The following FSHR variants were observed in gnomAD, a reference collection of about 807,000 sequenced individuals.
FSHR encodes follicle stimulating hormone receptor, also known as follicle-stimulating hormone receptor.
Under a neutral mutation model 52.1 loss-of-function variants are expected in FSHR, and 46 were observed. The ratio of observed to expected loss-of-function variants is 0.88; its 90% CI spans 0.70 to 1.13. The LOEUF (loss-of-function observed/expected upper bound fraction) is 1.13, where lower values mean the gene tolerates loss of function less well. Among genes scored for constraint, FSHR ranks in the 50% most tolerant of loss-of-function variants. The pLI is 0.00. For synonymous variants in FSHR, 399 were observed against 309.6 expected (o/e 1.29, Z -3.03); for missense variants, 964 against 834.6 (o/e 1.16, Z -1.91).
At position 49,128,054 on chromosome 2, in the gene FSHR, C is replaced by T. The variant is rs896775437; in HGVS notation, c.152+26212G>A. Reference sequence around the variant, plus strand: ...ATTACATGATACCTGGCTAATTTTTCTATTTTTAGTAGAGATGGGGTTTCA... The same window carrying T: ...ATTACATGATACCTGGCTAATTTTTTTATTTTTAGTAGAGATGGGGTTTCA... On this transcript the variant is annotated intron_variant, in intron 1 of 9. Coordinates refer to ENST00000406846, the MANE Select transcript of FSHR (RefSeq NM_000145.4). Among the ~76,000 whole-genome samples the T allele has an allele frequency of 7.9e-5, 12 of 151,310 alleles. No homozygotes were observed. In the East Asian group the frequency reaches 2.3e-3, roughly 29 times the overall value.
At chr2:49,003,744 C>T (rs1163282434) in intron 4 of FSHR, among the ~76,000 whole-genome samples, 1 of 152,084 alleles carries the variant, frequency 6.6e-6, no homozygotes, top group African/African-American at 2.4e-5. Context: ...CCTCCCTGCA[C>T]TGGGGATATA....
intron 2 of FSHR, among the ~76,000 whole-genome samples, chr2:49,034,906 T>C (rs72827279): frequency 0.048 from 7,366 of 152,162 alleles, 597 homozygotes; most frequent in East Asian, 0.23. Context: ...ACACAGAAGA[T>C]GGTATTTGAA....
intron 2 of FSHR, among the ~76,000 whole-genome samples, chr2:49,030,250 C>T (rs1450751181): frequency 6.7e-6 from 1 of 148,856 alleles, no homozygotes; most frequent in Non-Finnish European, 1.5e-5. Context: ...TGTCTTGAGG[C>T]TCTTTGCTAA....
At chr2:48,966,666 A>G (rs979475497) in intron 9 of FSHR, among the ~76,000 whole-genome samples, 2 of 152,232 alleles carry the variant, frequency 1.3e-5, no homozygotes, top group African/African-American at 4.8e-5. Flanking sequence ...AAATGTCACT[A>G]TTGAAGGAAT....
intron 1 of FSHR, among the ~76,000 whole-genome samples, chr2:49,145,290 T>C (rs1247232458): frequency 6.6e-6 from 1 of 152,130 alleles, no homozygotes; most frequent in African/African-American, 2.4e-5. Context: ...TAGTCAAACT[T>C]AAATATTTGG....
intron 1 of FSHR, among the ~76,000 whole-genome samples, chr2:49,124,537 G>A (rs1005517338): frequency 2.6e-5 from 4 of 151,910 alleles, no homozygotes; most frequent in Admixed American, 1.3e-4. Flanking sequence ...CTCAACCTGG[G>A]AAACTGTAGC....
intron 2 of FSHR, among the ~76,000 whole-genome samples, chr2:49,062,729 T>C (rs1024451325): frequency 6.6e-6 from 1 of 151,938 alleles, no homozygotes; most frequent in Non-Finnish European, 1.5e-5. Flanking sequence ...AATAATCAAA[T>C]TTAAAAATGA....
chr2:49,044,220 A>AT (rs1668577678), intron 2 of FSHR, among the ~76,000 whole-genome samples: 1 of 152,234 alleles, frequency 6.6e-6, no homozygotes, highest in Non-Finnish European at 1.5e-5. Flanking sequence ...TATAAGTGAT[A>AT]TGCTGTTTTT....
intron 9 of FSHR, 59 bp downstream of exon 9, chr2:48,968,639 T>C: frequency 6.3e-7 from 1 of 1,581,356 alleles, no homozygotes; most frequent in Non-Finnish European, 8.7e-7. Flanking sequence ...TAGGTAGAAA[T>C]TGTGGACAAA....
intron 6 of FSHR, among the ~76,000 whole-genome samples, chr2:48,987,772 C>G (rs62161854): frequency 0.068 from 10,244 of 151,486 alleles, 453 homozygotes; most frequent in Middle Eastern, 0.12. Context: ...TCATTCTGCT[C>G]GCGTTTTAGT....
Position 48,988,985 on chromosome 2 carries a change from A to G in FSHR, c.516T>C (p.Ser172=), listed in dbSNP as rs777780683. The G allele has an allele frequency of 8.1e-6, 13 of 1,613,648 alleles. No individual in the cohort carries two copies. Among genetic ancestry groups the G allele is most frequent in the Non-Finnish European group, 5.1e-6 (6 of 1,179,626 alleles). Reference sequence around the variant, plus strand: ...TTTTCCCCCTTACTTACAGAATCACACTTTCAAAGCTCAGCCCCACGAAAG... The same window carrying G: ...TTTTCCCCCTTACTTACAGAATCACGCTTTCAAAGCTCAGCCCCACGAAAG... ...RNSFVGLSFE[S]VILWLNKNGI... Residue 172 remains serine, a synonymous_variant, in exon 6 of 10, where the codon AGT becomes AGC. Coordinates refer to ENST00000406846, the MANE Select transcript of FSHR (RefSeq NM_000145.4).
At chr2:49,063,591 T>C (rs1026450498) in intron 2 of FSHR, among the ~76,000 whole-genome samples, 3 of 152,136 alleles carry the variant, frequency 2.0e-5, no homozygotes, top group Non-Finnish European at 2.9e-5. Context: ...TACTGCATGT[T>C]CTCACTCATA....
At chr2:49,015,566 C>T (rs1451692279) in intron 4 of FSHR, among the ~76,000 whole-genome samples, 1 of 152,142 alleles carries the variant, frequency 6.6e-6, no homozygotes, top group African/African-American at 2.4e-5. Flanking sequence ...ATGATGGAGT[C>T]AGGATGAAGA....
At chr2:49,066,879 CTA>C (rs1429320832) in intron 2 of FSHR, among the ~76,000 whole-genome samples, 1 of 152,094 alleles carries the variant, frequency 6.6e-6, no homozygotes, top group Admixed American at 6.6e-5. Flanking sequence ...GTCATTTAGT[CTA>C]TGTTAGCTCC....
At chr2:49,039,132 TA>T (rs146366042) in intron 2 of FSHR, among the ~76,000 whole-genome samples, 41,533 of 151,948 alleles carry the variant, frequency 0.27, 6,809 homozygotes, top group Non-Finnish European at 0.38. Flanking sequence ...TTTTACAGGT[TA>T]TTTTGTTGTA....
At chr2:49,112,564 G>A (rs184139559) in intron 1 of FSHR, among the ~76,000 whole-genome samples, 1 of 152,146 alleles carries the variant, frequency 6.6e-6, no homozygotes, top group African/African-American at 2.4e-5. Context: ...CTATAAAGAT[G>A]CATTGATAGG....
chr2:49,094,334 T>G (rs900983467), intron 1 of FSHR, among the ~76,000 whole-genome samples: 1 of 152,216 alleles, frequency 6.6e-6, no homozygotes, highest in Non-Finnish European at 1.5e-5. Context: ...CTTTTTGCTT[T>G]CAACTGCCAA....
Position 49,015,925 on chromosome 2 carries a change from C to T in FSHR, c.374+1564G>A, listed in dbSNP as rs554521240. Among the ~76,000 whole-genome samples the T allele has an allele frequency of 2.6e-5, 4 of 152,256 alleles. No individual in the cohort carries two copies. In the East Asian group the frequency reaches 7.7e-4, roughly 29 times the overall value. On this transcript the variant is annotated intron_variant, in intron 4 of 9. Transcript: ENST00000406846. Reference sequence around the variant, plus strand: ...GCCCTATACAACTGCACTTGTGTGCCCATGAAGCCAGCCTACCTCTGACAG... The same window carrying T: ...GCCCTATACAACTGCACTTGTGTGCTCATGAAGCCAGCCTACCTCTGACAG...
At chr2:49,085,077 A>T (rs1277099022) in intron 1 of FSHR, among the ~76,000 whole-genome samples, 1 of 152,214 alleles carries the variant, frequency 6.6e-6, no homozygotes, top group Non-Finnish European at 1.5e-5. Flanking sequence ...TTTGATGAAC[A>T]TTGATGCAAA....
Sources: gnomAD v4.1 joint callset for allele counts (sites outside exome capture counted in the v4.1 genomes callset) on GRCh38, gnomAD v4.1.1 for gene constraint, MANE v1.5 for transcripts, NCBI Gene and HGNC (gene_info 2026-07-23, HGNC 2026-07-21) for gene names.